The following TMEM230 variants were observed in gnomAD, a reference collection of about 807,000 sequenced individuals.
TMEM230 encodes UPF0414 transmembrane protein C20orf30.
Under a neutral mutation model 15.8 loss-of-function variants are expected in TMEM230, and 10 were observed. The ratio of observed to expected loss-of-function variants is 0.63; its 90% confidence interval spans 0.39 to 1.07. TMEM230 has a LOEUF of 1.07. Among genes scored for constraint, TMEM230 ranks in the 50% least tolerant of loss-of-function variants. The pLI is 0.01. For missense variants in TMEM230, 165 were observed against 193.3 expected, an observed-to-expected ratio of 0.85 and a Z score of 0.87; for synonymous variants, 67 against 76.9, an observed-to-expected ratio of 0.87 and a Z score of 0.68.
At chr20:5,069,796 G>A (rs1600260679) in intron 3 of TMEM230, among the ~76,000 whole-genome samples, 2 of 151,752 alleles carry the variant, frequency 1.3e-5, no homozygotes, top group Non-Finnish European at 2.9e-5. Flanking sequence ...TGCAACCTCC[G>A]CCTCCAGGGT....
At chr20:5,106,439 T>C (rs2090096850) in intron 3 of TMEM230, 129 bp from the exon 3 acceptor site, 2 of 1,177,726 alleles carry the variant, frequency 1.7e-6, no homozygotes, top group Non-Finnish European at 2.3e-6. Context: ...GTTTCGTTCT[T>C]GTTGCCCAGG....
exon 4 of TMEM230, chr20:5,068,938 G>C (rs992988395): frequency 9.6e-6 from 4 of 417,510 alleles, no homozygotes; most frequent in African/African-American, 8.3e-5. Context: ...CAGAGGTGGG[G>C]CCATGGGGAG....
Position 5,100,336 on chromosome 20 carries a change from C to A in TMEM230, c.*455G>T, listed in dbSNP as rs887720470. ...CACTGATCTTTGATTTTACTAAGGTCTTCCACTGGAACATGAAGGTAGGGA... is the reference window on the plus strand; with the variant it reads ...CACTGATCTTTGATTTTACTAAGGTATTCCACTGGAACATGAAGGTAGGGA... On this transcript the variant is annotated 3_prime_UTR_variant, in exon 5 of 5. Transcript: ENST00000342308. 1.0e-6 allele frequency: 1 copy of A among 985,502 alleles called. No individual in the cohort carries two copies. The highest frequency in any genetic ancestry group is 5.2e-4 in the Middle Eastern group (1 of 1,914). The allele number at this position is 985,502 out of a possible 1,614,324, so 61.0% of individuals were successfully genotyped here. A position where few individuals can be genotyped will look rare whatever the true frequency, so the allele number is the denominator to read the frequency against.
At chr20:5,062,532 A>C in the TMEM230 span, among the ~76,000 whole-genome samples, 1 of 152,214 alleles carries the variant, frequency 6.6e-6, no homozygotes, top group Admixed American at 6.5e-5. Context: ...AAGGCAGGCC[A>C]ATTGCTTGAG....
intron 4 of TMEM230, among the ~76,000 whole-genome samples, chr20:5,102,026 A>G (rs1046307102): frequency 2.0e-5 from 3 of 152,202 alleles, no homozygotes; most frequent in Non-Finnish European, 4.4e-5. Context: ...CCCTTTACCA[A>G]TCAGGACTCC....
chr20:5,076,923 C>T (rs1181874319), intron 3 of TMEM230, among the ~76,000 whole-genome samples: 2 of 151,672 alleles, frequency 1.3e-5, no homozygotes, highest in African/African-American at 4.8e-5. Flanking sequence ...GGTGATCCAC[C>T]CACCTTGGCC....
At chr20:5,074,705 A>G in intron 3 of TMEM230, among the ~76,000 whole-genome samples, 1 of 152,248 alleles carries the variant, frequency 6.6e-6, no homozygotes, top group African/African-American at 2.4e-5. Flanking sequence ...TTGGGAGGCC[A>G]AGGCAGGCGA....
At chr20:5,085,664 G>A (rs1184636533) in intron 3 of TMEM230, among the ~76,000 whole-genome samples, 1 of 152,134 alleles carries the variant, frequency 6.6e-6, no homozygotes, top group East Asian at 1.9e-4. Context: ...GTCAGGAGTT[G>A]TGATATGGGT....
intron 3 of TMEM230, among the ~76,000 whole-genome samples, chr20:5,094,480 G>A (rs1191948233): frequency 6.6e-6 from 1 of 151,374 alleles, no homozygotes; most frequent in Non-Finnish European, 1.5e-5. Flanking sequence ...AGGCTGAGGC[G>A]GGAGGATCAC....
At chr20:5,074,151 C>A (rs1404659525) in intron 3 of TMEM230, among the ~76,000 whole-genome samples, 1 of 152,210 alleles carries the variant, frequency 6.6e-6, no homozygotes, top group Non-Finnish European at 1.5e-5. Context: ...CACCTCCCAC[C>A]AGGCCCCTCC....
At chr20:5,079,306 C>A (rs11905359) in intron 3 of TMEM230, among the ~76,000 whole-genome samples, 10,300 of 152,184 alleles carry the variant, frequency 0.068, 934 homozygotes, top group African/African-American at 0.21. Context: ...CATTTAATAT[C>A]AAAGAGGTTA....
At position 5,106,191 on chromosome 20, in the gene TMEM230, T is replaced by A. The variant is rs1448972508; in HGVS notation, c.408A>T (p.Lys136Asn). 6 of 1,607,962 alleles carry A rather than the reference T, an allele frequency of 3.7e-6. No individual in the cohort carries two copies. The highest frequency in any genetic ancestry group is 5.1e-6 in the Non-Finnish European group (6 of 1,178,418). Residue 136 changes from lysine to asparagine, a missense_variant, in exon 4 of 5, where the codon AAA becomes AAT. Physicochemically the swap from Lys to Asn is moderately conservative, Grantham distance 94. Transcript: ENST00000342308. Reference sequence around the variant, plus strand: ...TCCCACATGCCCGTCAGCTTACCCCTTTGCTGATGTAGCCTGACAGCAGGA... The same window carrying A: ...TCCCACATGCCCGTCAGCTTACCCCATTGCTGATGTAGCCTGACAGCAGGA...
At chr20:5,093,865 T>C (rs2089585296) in intron 3 of TMEM230, among the ~76,000 whole-genome samples, 2 of 151,952 alleles carry the variant, frequency 1.3e-5, no homozygotes, top group African/African-American at 2.4e-5. Context: ...CAAAGCTATA[T>C]AAAATGTAAA....
intron 3 of TMEM230, among the ~76,000 whole-genome samples, chr20:5,092,315 G>A (rs1480843827): frequency 5.3e-5 from 8 of 152,128 alleles, no homozygotes; most frequent in African/African-American, 7.2e-5. Flanking sequence ...AGTCCATGGC[G>A]CTTTTGGTCT....
chr20:5,107,193 T>C (rs1332160800), intron 3 of TMEM230, among the ~76,000 whole-genome samples: 1 of 152,110 alleles, frequency 6.6e-6, no homozygotes, highest in Non-Finnish European at 1.5e-5. Context: ...TCCCGGCTAC[T>C]TGGGACGCTA....
Position 5,069,648 on chromosome 20 carries a change from C to G in TMEM230, c.223-299G>C, listed in dbSNP as rs926348257. 9.2e-5 allele frequency among the ~76,000 whole-genome samples: 14 copies of G among 152,030 alleles called. No individual in the cohort carries two copies. The East Asian group carries it at 2.7e-3, about 29-fold the overall frequency. On this transcript the variant is annotated intron_variant, in intron 3 of 3. Coordinates refer to the TMEM230 transcript ENST00000612323. ...AAGGGGTAGAGTCTAAGTCCCTTTC[C>G]TTTCCTTTCCTCTCCCCTTTCCTTT...
At chr20:5,095,375 T>C (rs1273927448), downstream of TMEM230, among the ~76,000 whole-genome samples, 1 of 152,134 alleles carries the variant, frequency 6.6e-6, no homozygotes, top group African/African-American at 2.4e-5. Flanking sequence ...CCCTGAGCCT[T>C]CAGGGAACCG....
intron 4 of TMEM230, 87 bp from the exon 4 acceptor site, chr20:5,101,018 T>C (rs967235714): frequency 1.4e-5 from 21 of 1,478,568 alleles, no homozygotes; most frequent in Non-Finnish European, 1.8e-5. Flanking sequence ...CTTAGATCAG[T>C]ATTTTATACT....
the TMEM230 span, among the ~76,000 whole-genome samples, chr20:5,060,332 C>CTTTTTTT: frequency 6.8e-5 from 7 of 102,906 alleles, no homozygotes; most frequent in East Asian, 2.7e-4. Context: ...AGTGTATTGT[C>CTTTTTTT]TTTTTTTTTT....
Sources: allele counts gnomAD v4.1 joint callset (sites outside exome capture counted in the v4.1 genomes callset), GRCh38; gene constraint gnomAD v4.1.1; transcripts MANE v1.5; gene names NCBI Gene and HGNC (gene_info 2026-07-23, HGNC 2026-07-21).